CHODL: variants seen among roughly 807,000 people sequenced by gnomAD.
CHODL encodes transmembrane protein MT75.
CHODL carries 29 observed loss-of-function variants against 34.5 expected under a neutral mutation model. That is an observed-to-expected ratio of 0.84 (90% confidence interval 0.63 to 1.15). The LOEUF is 1.15. Among genes scored for constraint, CHODL ranks in the 50% most tolerant of loss-of-function variants. CHODL has a pLI of 0.00. For missense variants in CHODL, 332 were observed against 332.5 expected, an observed-to-expected ratio of 1.00 and a Z score of 0.01; for synonymous variants, 125 against 116.1, an observed-to-expected ratio of 1.08 and a Z score of -0.49.
At chr21:18,059,491 ATCT>A in intron 2 of CHODL, among the ~76,000 whole-genome samples, 1 of 128,142 alleles carries the variant, frequency 7.8e-6, no homozygotes, top group East Asian at 3.6e-4. Context: ...CAAACTCATG[ATCT>A]TTTTTTTTTT....
chr21:18,032,799 C>T (rs2146441947), intron 2 of CHODL, among the ~76,000 whole-genome samples: 1 of 152,146 alleles, frequency 6.6e-6, no homozygotes, highest in African/African-American at 2.4e-5. Flanking sequence ...TGTAGTTTCA[C>T]TCTATTGTTC....
intron 1 of CHODL, among the ~76,000 whole-genome samples, chr21:18,001,010 G>A (rs1023668681): frequency 6.6e-6 from 1 of 152,140 alleles, no homozygotes; most frequent in African/African-American, 2.4e-5. Flanking sequence ...AATGGAAGAA[G>A]CTCATCATAA....
chr21:18,246,062 A>T (rs2074138091), intron 1 of CHODL: 1 of 828,776 alleles, frequency 1.2e-6, no homozygotes, highest in Admixed American at 2.0e-5. Flanking sequence ...TCTTTTTTTG[A>T]CTCTCACTGT....
chr21:18,165,596 G>A (rs2073142467), intron 2 of CHODL, among the ~76,000 whole-genome samples: 1 of 152,188 alleles, frequency 6.6e-6, no homozygotes, highest in South Asian at 2.1e-4. Flanking sequence ...TTGCAACATG[G>A]TAGCTAGCTT....
intron 2 of CHODL, among the ~76,000 whole-genome samples, chr21:18,065,527 G>C (rs576195630): frequency 6.6e-6 from 1 of 152,154 alleles, no homozygotes; most frequent in Non-Finnish European, 1.5e-5. Flanking sequence ...TCCCTGAAAA[G>C]TACAGTATTA....
chr21:18,031,046 G>A (rs1157579483), intron 2 of CHODL, among the ~76,000 whole-genome samples: 1 of 152,134 alleles, frequency 6.6e-6, no homozygotes, highest in Non-Finnish European at 1.5e-5. Flanking sequence ...TGAATAGTTT[G>A]ATCTAATTAG....
chr21:18,089,361 T>A (rs1168046624), intron 2 of CHODL, among the ~76,000 whole-genome samples: 1 of 152,170 alleles, frequency 6.6e-6, no homozygotes, highest in Non-Finnish European at 1.5e-5. Context: ...AACATTTATG[T>A]GTCATTTATA....
chr21:18,006,553 A>G (rs1186509758), intron 1 of CHODL, among the ~76,000 whole-genome samples: 3 of 152,214 alleles, frequency 2.0e-5, no homozygotes, highest in Non-Finnish European at 4.4e-5. Flanking sequence ...TTACACTGAT[A>G]TTTAGATTCC....
At chr21:18,209,388 A>C (rs940780064) in intron 2 of CHODL, among the ~76,000 whole-genome samples, 3 of 151,910 alleles carry the variant, frequency 2.0e-5, no homozygotes, top group Non-Finnish European at 4.4e-5. Context: ...CTTATGGTAA[A>C]TTTTACCAGG....
chr21:18,220,909 C>T (rs1014294378), intron 2 of CHODL, among the ~76,000 whole-genome samples: 3 of 152,042 alleles, frequency 2.0e-5, no homozygotes, highest in Non-Finnish European at 4.4e-5. Flanking sequence ...GTTCTTTGAG[C>T]TTCCTGTATC....
intron 1 of CHODL, among the ~76,000 whole-genome samples, chr21:17,924,338 G>A (rs2063207116): frequency 2.0e-5 from 3 of 152,214 alleles, no homozygotes; most frequent in Admixed American, 2.0e-4. Flanking sequence ...GCCTGTGGGA[G>A]GAGAGGCAGT....
intron 1 of CHODL, among the ~76,000 whole-genome samples, chr21:17,982,696 C>CTTTT (rs397867753): frequency 9.7e-4 from 61 of 62,980 alleles, no homozygotes; most frequent in African/African-American, 1.1e-3. Context: ...TATATATATT[C>CTTTT]TTTTTTTTTT....
rs557290063 is a variant in CHODL, at chr21:18,084,294, T to C, written c.-45+56323T>C. 2.6e-5 allele frequency among the ~76,000 whole-genome samples: 4 copies of C among 152,094 alleles called. No homozygotes were observed. The South Asian group carries it at 8.3e-4, about 32-fold the overall frequency. On this transcript the variant is annotated intron_variant, in intron 2 of 6. Coordinates refer to the CHODL transcript ENST00000400127. ...GTTAAACCTGTGAGTTATTTGTTATTTTTTTCCCTTCAAACTATAGGTTTA... is the reference window on the plus strand; with the variant it reads ...GTTAAACCTGTGAGTTATTTGTTATCTTTTTCCCTTCAAACTATAGGTTTA...
intron 1 of CHODL, among the ~76,000 whole-genome samples, chr21:17,968,259 G>T (rs1228621910): frequency 6.6e-6 from 1 of 152,174 alleles, no homozygotes; most frequent in Non-Finnish European, 1.5e-5. Context: ...GTTACTAAAA[G>T]CCAGGGGCTT....
Position 18,245,850 on chromosome 21 carries a change from C to A in CHODL, c.79+548C>A. On this transcript the variant is annotated intron_variant, in intron 1 of 5. Transcript: ENST00000299295. Reference sequence around the variant, plus strand: ...TACTGGCAAGGAACTGAAGTGTGGTCATTGCGTGTAGATGCCTTTCCTTTG... The same window carrying A: ...TACTGGCAAGGAACTGAAGTGTGGTAATTGCGTGTAGATGCCTTTCCTTTG... The A allele has an allele frequency of 2.8e-6, 4 of 1,426,232 alleles. No homozygotes were observed. The South Asian group carries it at 4.9e-5, about 18-fold the overall frequency. 88.3% of individuals were successfully genotyped at this position (1,426,232 alleles called of 1,614,324 possible).
intron 1 of CHODL, among the ~76,000 whole-genome samples, chr21:17,976,006 T>G (rs1484947374): frequency 6.6e-6 from 1 of 152,152 alleles, no homozygotes; most frequent in African/African-American, 2.4e-5. Flanking sequence ...TATGCTATAT[T>G]TTATCACCTT....
At chr21:18,032,956 AG>A (rs1280165535) in intron 2 of CHODL, among the ~76,000 whole-genome samples, 1 of 152,080 alleles carries the variant, frequency 6.6e-6, no homozygotes, top group African/African-American at 2.4e-5. Flanking sequence ...AGTGAACAAA[AG>A]GGAACAAATT....
chr21:18,106,536 C>T (rs1444420611), intron 2 of CHODL, among the ~76,000 whole-genome samples: 1 of 148,432 alleles, frequency 6.7e-6, no homozygotes, highest in Non-Finnish European at 1.5e-5. Context: ...TGCTCTGTCG[C>T]CCAGGCTGGA....
At chr21:17,927,078 C>A (rs1413580579) in intron 1 of CHODL, among the ~76,000 whole-genome samples, 1 of 142,940 alleles carries the variant, frequency 7.0e-6, no homozygotes, top group Non-Finnish European at 1.5e-5. Flanking sequence ...ATATGTATAT[C>A]TGTGTGTATG....
Sources: allele counts gnomAD v4.1 joint callset (sites outside exome capture counted in the v4.1 genomes callset), GRCh38; gene constraint gnomAD v4.1.1; transcripts MANE v1.5; gene names NCBI Gene and HGNC (gene_info 2026-07-23, HGNC 2026-07-21).